The following CTNND1 variants were observed in gnomAD, a reference collection of about 807,000 sequenced individuals.
CTNND1 encodes catenin delta 1, also known as catenin delta-1.
In CTNND1, 16 loss-of-function variants were observed where a neutral mutation model predicts 112.1. The ratio of observed to expected loss-of-function variants is 0.14; its 90% CI spans 0.10 to 0.22. The LOEUF is 0.22. Ranked by LOEUF, CTNND1 falls within the 10% of genes least tolerant of loss-of-function variation. The pLI, the probability that CTNND1 is intolerant of heterozygous loss-of-function variation, is 1.00. For missense variants in CTNND1, 1,008 were observed against 1,257.0 expected (o/e 0.80, Z 3.00); for synonymous variants, 420 against 446.5 (o/e 0.94, Z 0.75).
intron 16 of CTNND1, 94 bp downstream of exon 16, chr11:57,810,317 A>G (rs1406147846): frequency 5.6e-6 from 5 of 889,322 alleles, no homozygotes; most frequent in Non-Finnish European, 8.3e-6. Flanking sequence ...TTTCACCATC[A>G]TGCTAAACCT....
chr11:57,768,264 T>C (rs1190246055), intron 1 of CTNND1, among the ~76,000 whole-genome samples: 1 of 151,962 alleles, frequency 6.6e-6, no homozygotes, highest in Non-Finnish European at 1.5e-5. Flanking sequence ...ATAGGTAATA[T>C]TGGAGAGTTG....
intron 6 of CTNND1, among the ~76,000 whole-genome samples, chr11:57,798,045 A>T (rs1157937532): frequency 6.6e-6 from 1 of 151,526 alleles, no homozygotes; most frequent in Non-Finnish European, 1.5e-5. Flanking sequence ...TTAGTTTCTG[A>T]TTTGGTATTA....
chr11:57,775,872 T>C (rs777130208), intron 1 of CTNND1, among the ~76,000 whole-genome samples: 2 of 152,208 alleles, frequency 1.3e-5, no homozygotes, highest in African/African-American at 4.8e-5. Context: ...CTTGTTCTTA[T>C]ATGGGAGCCC....
At chr11:57,789,003 C>G (rs1011997713) in intron 1 of CTNND1, 34 bp from the exon 2 acceptor site, 1 of 1,429,828 alleles carries the variant, frequency 7.0e-7, no homozygotes, top group Non-Finnish European at 9.5e-7. Flanking sequence ...TTATTTTCCT[C>G]TCATTCCCAT....
intron 14 of CTNND1, among the ~76,000 whole-genome samples, chr11:57,808,770 CACTT>C (rs1262314472): frequency 6.6e-6 from 1 of 152,162 alleles, no homozygotes; most frequent in Non-Finnish European, 1.5e-5. Flanking sequence ...ATTTATTGAG[CACTT>C]ACTTTGTTAC....
chr11:57,809,612 A>G (rs2063097462), intron 15 of CTNND1, 146 bp downstream of exon 15: 1 of 674,780 alleles, frequency 1.5e-6, no homozygotes, highest in South Asian at 2.4e-5. Context: ...CTTAATGTTG[A>G]TCCATAAATT....
intron 12 of CTNND1, among the ~76,000 whole-genome samples, chr11:57,807,229 A>C (rs1280031679): frequency 6.6e-6 from 1 of 152,204 alleles, no homozygotes; most frequent in Non-Finnish European, 1.5e-5. Flanking sequence ...GGTAGTATAG[A>C]GCAGAAATTT....
At chr11:57,805,691 G>A (rs1178814702) in intron 9 of CTNND1, among the ~76,000 whole-genome samples, 191 bp from the exon 10 acceptor site, 2 of 152,134 alleles carry the variant, frequency 1.3e-5, no homozygotes, top group African/African-American at 4.8e-5. Flanking sequence ...GTCCATAGTT[G>A]GACCTTCCAT....
chr11:57,788,934 C>T lies in CTNND1; in HGVS notation c.-213-103C>T. 1 of 844,918 alleles carries T rather than the reference C, an allele frequency of 1.2e-6. No homozygotes were observed. Among genetic ancestry groups the T allele is most frequent in the Non-Finnish European group, 1.9e-6 (1 of 522,114 alleles). The allele number at this position is 844,918 out of a possible 1,614,324, so 52.3% of individuals were successfully genotyped here. On this transcript the variant is annotated intron_variant, in intron 1 of 20. Coordinates refer to ENST00000399050, the MANE Select transcript of CTNND1 (RefSeq NM_001085458.2). This position sits in a 1 kb window ranked among gnomAD's most constrained non-coding sequence, Gnocchi z 4.1. ...CAATTCCAAGTCATATTTTAAATTA[C>T]TTCCTTTCATTCCTAATATTGCCCC...
intron 9 of CTNND1, 68 bp downstream of exon 9, chr11:57,804,848 T>TCTCTGACCTA: frequency 8.8e-7 from 1 of 1,132,558 alleles, no homozygotes; most frequent in Non-Finnish European, 1.3e-6. Flanking sequence ...TATCTGTAGG[T>TCTCTGACCTA]CAGAGACCTA....
chr11:57,777,957 C>T (rs2059184487), intron 1 of CTNND1, among the ~76,000 whole-genome samples: 1 of 152,190 alleles, frequency 6.6e-6, no homozygotes, highest in African/African-American at 2.4e-5. Context: ...TCATTTATCT[C>T]ATTCTTGCAG....
intron 1 of CTNND1, among the ~76,000 whole-genome samples, chr11:57,773,293 T>G (rs1376882030): frequency 6.6e-6 from 1 of 152,016 alleles, no homozygotes; most frequent in Non-Finnish European, 1.5e-5. Flanking sequence ...CCATCACATC[T>G]GGCTACTTTT....
intron 6 of CTNND1, among the ~76,000 whole-genome samples, chr11:57,797,842 C>A (rs1305787670): frequency 6.6e-3 from 456 of 68,652 alleles, no homozygotes; most frequent in African/African-American, 9.3e-3. Context: ...AACTCCACCT[C>A]AAAAAAAAAA....
intron 8 of CTNND1, 88 bp from the exon 9 acceptor site, chr11:57,804,575 C>T: frequency 3.1e-6 from 3 of 977,508 alleles, no homozygotes; most frequent in Non-Finnish European, 4.7e-6. Context: ...AGTAGAAAAA[C>T]ATATTCAGGA....
At chr11:57,809,056 G>A (rs2063037839) in intron 14 of CTNND1, among the ~76,000 whole-genome samples, 1 of 152,202 alleles carries the variant, frequency 6.6e-6, no homozygotes, top group Non-Finnish European at 1.5e-5. Flanking sequence ...CACTTTCAAT[G>A]TGGTTGAAGT....
intron 16 of CTNND1, 135 bp from the exon 17 acceptor site, chr11:57,811,264 A>C: frequency 1.6e-6 from 1 of 637,096 alleles, no homozygotes. Flanking sequence ...TGTCTAGGGT[A>C]TTTATTCAAC....
chr11:57,801,748 G>A lies in CTNND1; in HGVS notation c.972G>A (p.Met324Ile), dbSNP rs1263212173. 1 of 1,612,464 alleles carries A rather than the reference G, an allele frequency of 6.2e-7. No homozygotes were observed. Among genetic ancestry groups the A allele is most frequent in the Non-Finnish European group, 8.5e-7 (1 of 1,178,746 alleles). Residue 324 changes from methionine (M) to isoleucine (I), a missense_variant, in exon 7 of 21, where the codon ATG becomes ATA. Coordinates refer to ENST00000399050, the MANE Select transcript of CTNND1 (RefSeq NM_001085458.2). ...PRRRLRSYED[M>I]IGEEVPSDQY... is the part of the protein sequence containing the mutation. ...AACTTCTCAGGAGCTATGAAGACAT[G>A]ATTGGTGAGGAGGTGCCATCGGATC... is the stretch of plus-strand genomic sequence containing the variant.
rs1376031353 is a variant in CTNND1 at position 57,803,757 on chromosome 11, C to T, written c.1557C>T (p.Arg519=). 6.2e-7 allele frequency: 1 copy of T among 1,612,522 alleles called. No individual in the cohort carries two copies. Among genetic ancestry groups the T allele is most frequent in the South Asian group, 1.1e-5 (1 of 90,868 alleles). The change falls in exon 8 of 21, where the codon CGC becomes CGT. Residue 519 remains arginine, a synonymous_variant. Transcript: ENST00000399050. ...EREPNEDCKP[R]HIEWESVLTN... The stretch of plus-strand genomic sequence containing the variant: ...AACCTAATGAAGACTGTAAGCCACG[C>T]CACATTGAGTGGGAATCGGTGCTCA...
intron 16 of CTNND1, 145 bp from the exon 17 acceptor site, chr11:57,811,254 T>C (rs1469216907): frequency 1.8e-6 from 1 of 540,626 alleles, no homozygotes; most frequent in Non-Finnish European, 3.3e-6. Flanking sequence ...TTTGTCTCAC[T>C]GTCTAGGGTA....
Sources: gnomAD v4.1 joint callset for allele counts (sites outside exome capture counted in the v4.1 genomes callset) on GRCh38, gnomAD v4.1.1 for gene constraint, Gnocchi (gnomAD v3.1) non-coding constraint, MANE v1.5 for transcripts, NCBI Gene and HGNC (gene_info 2026-07-23, HGNC 2026-07-21) for gene names.